Variants in NAALADL2 observed in about 807,000 individuals in gnomAD.
NAALADL2 encodes the protein N-acetylated alpha-linked acidic dipeptidase like 2.
NAALADL2 carries 76 observed loss-of-function variants against 87.2 expected under a neutral mutation model. The ratio of observed to expected loss-of-function variants is 0.87; its 90% CI spans 0.72 to 1.05. The LOEUF (loss-of-function observed/expected upper bound fraction) is 1.05, where lower values mean the gene tolerates loss of function less well. Ranked by LOEUF, NAALADL2 falls within the 50% of genes least tolerant of loss-of-function variation. The probability of loss-of-function intolerance (pLI) is 0.00; values close to 1 mark genes in which losing one functional copy is unlikely to be tolerated. For synonymous variants in NAALADL2, 354 were observed against 331.0 expected, an observed-to-expected ratio of 1.07 and a Z score of -0.75; for missense variants, 1,089 against 945.8, an observed-to-expected ratio of 1.15 and a Z score of -1.99.
chr3:175,766,925 G>A (rs1297004078), intron 13 of NAALADL2, among the ~76,000 whole-genome samples: 8 of 151,998 alleles, frequency 5.3e-5, no homozygotes, highest in African/African-American at 1.7e-4. Flanking sequence ...AAAAAAATAC[G>A]GAGCAAGTAT....
chr3:175,539,914 G>C (rs1409879007), intron 9 of NAALADL2, among the ~76,000 whole-genome samples: 1 of 152,178 alleles, frequency 6.6e-6, no homozygotes, highest in African/African-American at 2.4e-5. Flanking sequence ...GTATTGCCTT[G>C]AGTAAACAGT....
At chr3:175,253,724 T>C (rs1749460433) in intron 3 of NAALADL2, among the ~76,000 whole-genome samples, 1 of 152,172 alleles carries the variant, frequency 6.6e-6, no homozygotes, top group East Asian at 1.9e-4. Flanking sequence ...TGAGAGCAGG[T>C]CAAAATATCA....
chr3:174,725,856 C>A (rs928681881), intron 2 of NAALADL2, among the ~76,000 whole-genome samples: 1 of 152,152 alleles, frequency 6.6e-6, no homozygotes, highest in African/African-American at 2.4e-5. Flanking sequence ...TAAAGCGGCA[C>A]CAGAGGAATG....
At chr3:175,723,200 C>T (rs1442125540) in intron 11 of NAALADL2, among the ~76,000 whole-genome samples, 2 of 152,102 alleles carry the variant, frequency 1.3e-5, no homozygotes, top group African/African-American at 2.4e-5. Context: ...CTAAAATCCA[C>T]TTCAGGTTCC....
intron 1 of NAALADL2, among the ~76,000 whole-genome samples, chr3:174,983,710 G>A (rs1298229857): frequency 1.3e-5 from 2 of 151,904 alleles, no homozygotes; most frequent in African/African-American, 2.4e-5. Flanking sequence ...TCTCCCAAAG[G>A]CCCCGACTCC....
intron 1 of NAALADL2, among the ~76,000 whole-genome samples, chr3:174,882,249 G>A (rs1383334402): frequency 6.6e-6 from 1 of 151,744 alleles, no homozygotes. Context: ...ACTATGTGAA[G>A]AACTTTAAAA....
intron 10 of NAALADL2, among the ~76,000 whole-genome samples, chr3:175,615,578 C>T (rs1725225959): frequency 1.3e-5 from 2 of 151,974 alleles, no homozygotes; most frequent in East Asian, 3.9e-4. Context: ...TTAGTATTGG[C>T]CGGGCATGAT....
chr3:174,869,840 T>C (rs1385059448), intron 1 of NAALADL2, among the ~76,000 whole-genome samples: 1 of 151,704 alleles, frequency 6.6e-6, no homozygotes, highest in Non-Finnish European at 1.5e-5. Flanking sequence ...CTACTAAAAA[T>C]ACAAAATTAG....
intron 1 of NAALADL2, among the ~76,000 whole-genome samples, chr3:175,018,678 A>G (rs1022676911): frequency 4.6e-5 from 7 of 152,080 alleles, no homozygotes; most frequent in Non-Finnish European, 7.4e-5. Flanking sequence ...TTTAAATGGC[A>G]TTCAACGTAT....
At chr3:175,571,806 C>A (rs1008200546) in intron 9 of NAALADL2, among the ~76,000 whole-genome samples, 2 of 151,992 alleles carry the variant, frequency 1.3e-5, no homozygotes, top group African/African-American at 4.8e-5. Context: ...AAAGAAAAAC[C>A]CTCAAATCTG....
intron 2 of NAALADL2, among the ~76,000 whole-genome samples, chr3:174,573,244 T>A (rs1485454997): frequency 6.6e-6 from 1 of 152,286 alleles, no homozygotes; most frequent in East Asian, 1.9e-4. Flanking sequence ...CTGTAACATT[T>A]GCTGATTTCT....
chr3:175,406,838 C>T (rs1432612457), intron 5 of NAALADL2, among the ~76,000 whole-genome samples: 2 of 151,846 alleles, frequency 1.3e-5, no homozygotes, highest in East Asian at 1.9e-4. Flanking sequence ...TTTGTTATGG[C>T]TTCCTGGTTC....
chr3:175,086,513 T>C (rs566139496), intron 1 of NAALADL2, among the ~76,000 whole-genome samples: 4 of 152,282 alleles, frequency 2.6e-5, no homozygotes, highest in African/African-American at 4.8e-5. Flanking sequence ...TCTAAAAATT[T>C]TGCATACAAT....
chr3:175,450,180 A>G (rs184968252), intron 6 of NAALADL2, among the ~76,000 whole-genome samples: 5 of 152,200 alleles, frequency 3.3e-5, no homozygotes, highest in African/African-American at 1.2e-4. Context: ...TTTCTGAGAT[A>G]ATTAAGTTTC....
chr3:175,094,906 A>G (rs915798300), intron 1 of NAALADL2, among the ~76,000 whole-genome samples: 1 of 151,716 alleles, frequency 6.6e-6, no homozygotes, highest in African/African-American at 2.4e-5. Context: ...GTTCCTTCTA[A>G]CTCATACAGA....
chr3:175,289,909 A>G (rs1446671061), intron 4 of NAALADL2, among the ~76,000 whole-genome samples: 2 of 152,214 alleles, frequency 1.3e-5, no homozygotes, highest in African/African-American at 2.4e-5. Flanking sequence ...AAGAAGAGAA[A>G]AAGCCAGTGA....
intron 5 of NAALADL2, among the ~76,000 whole-genome samples, chr3:175,386,466 G>T (rs1311342941): frequency 6.6e-6 from 1 of 150,686 alleles, no homozygotes; most frequent in Non-Finnish European, 1.5e-5. Context: ...AGGTGTAATT[G>T]TGTATTTCTG....
chr3:175,497,110 A>G (rs1404225095), intron 9 of NAALADL2, among the ~76,000 whole-genome samples: 1 of 151,986 alleles, frequency 6.6e-6, no homozygotes. Flanking sequence ...TTCTCACTCT[A>G]TTCCCTAGGC....
chr3:175,327,530 AT>A (rs1471585604), intron 5 of NAALADL2, among the ~76,000 whole-genome samples: 1 of 152,106 alleles, frequency 6.6e-6, no homozygotes, highest in Admixed American at 6.5e-5. Flanking sequence ...TCAAGGTAAA[AT>A]TTACATAAAT....
Sources: allele counts gnomAD v4.1 joint callset (sites outside exome capture counted in the v4.1 genomes callset), GRCh38; gene constraint gnomAD v4.1.1; transcripts MANE v1.5; gene names NCBI Gene and HGNC (gene_info 2026-07-23, HGNC 2026-07-21).